The following SWAP70 variants were observed in gnomAD, a reference collection of about 807,000 sequenced individuals.
SWAP70 encodes switch-associated protein 70.
SWAP70 carries 34 observed loss-of-function variants against 80.2 expected under a neutral mutation model. The ratio of observed to expected loss-of-function variants is 0.42; its 90% confidence interval spans 0.32 to 0.56. SWAP70 has a LOEUF of 0.56. SWAP70 is among the 20% of genes least tolerant of loss of function. The pLI is 0.09. For synonymous variants in SWAP70, 239 were observed against 238.5 expected, an observed-to-expected ratio of 1.00 and a Z score of -0.02; for missense variants, 578 against 690.7, an observed-to-expected ratio of 0.84 and a Z score of 1.83.
At chr11:9,664,721 A>G (rs2134407978) in intron 1 of SWAP70, among the ~76,000 whole-genome samples, 1 of 152,354 alleles carries the variant, frequency 6.6e-6, no homozygotes, top group Admixed American at 6.5e-5. Flanking sequence ...TCTGCAGCCC[A>G]CAGCCCCACA....
chr11:9,746,351 C>G (rs1371150949), intron 9 of SWAP70, among the ~76,000 whole-genome samples: 1 of 152,186 alleles, frequency 6.6e-6, no homozygotes, highest in Admixed American at 6.5e-5. Flanking sequence ...ATGTCCATTC[C>G]CCCTCCATAC....
At chr11:9,736,218 TTTA>T (rs756246326) in intron 7 of SWAP70, among the ~76,000 whole-genome samples, 1 of 152,176 alleles carries the variant, frequency 6.6e-6, no homozygotes, top group Non-Finnish European at 1.5e-5. Context: ...TTTATATCTC[TTTA>T]TTATTCTCTA....
chr11:9,738,443 G>A (rs1189276610), intron 8 of SWAP70, 123 bp downstream of exon 8: 2 of 531,028 alleles, frequency 3.8e-6, no homozygotes, highest in African/African-American at 3.9e-5. Flanking sequence ...GACCTGGAAT[G>A]GGCTGTAGGG....
intron 2 of SWAP70, among the ~76,000 whole-genome samples, chr11:9,703,096 T>A (rs910280036): frequency 6.6e-6 from 1 of 152,174 alleles, no homozygotes; most frequent in Non-Finnish European, 1.5e-5. Flanking sequence ...CCCTCTCCCC[T>A]ATAGCTCTAG....
At chr11:9,708,428 C>A (rs1367757849) in intron 2 of SWAP70, among the ~76,000 whole-genome samples, 1 of 152,108 alleles carries the variant, frequency 6.6e-6, no homozygotes, top group East Asian at 1.9e-4. Context: ...TGCTTGTTGG[C>A]TGTTCGTATA....
At chr11:9,731,223 A>G (rs1851294246) in intron 6 of SWAP70, among the ~76,000 whole-genome samples, 1 of 152,222 alleles carries the variant, frequency 6.6e-6, no homozygotes, top group African/African-American at 2.4e-5. Context: ...AAATCCTGAA[A>G]GGAGATTCTG....
At chr11:9,720,169 T>A in intron 3 of SWAP70, 1 of 985,348 alleles carries the variant, frequency 1.0e-6, no homozygotes, top group Non-Finnish European at 1.2e-6. Flanking sequence ...CTTGGCCCAA[T>A]ATAATGAATC....
At chr11:9,687,193 G>C (rs1458867347) in intron 1 of SWAP70, among the ~76,000 whole-genome samples, 1 of 152,204 alleles carries the variant, frequency 6.6e-6, no homozygotes, top group Admixed American at 6.5e-5. Context: ...CATACAGTAT[G>C]TACAATTTGG....
intron 2 of SWAP70, among the ~76,000 whole-genome samples, chr11:9,695,546 C>T (rs1004976745): frequency 6.7e-6 from 1 of 148,828 alleles, no homozygotes; most frequent in Admixed American, 6.8e-5. Flanking sequence ...CACGTGTTCT[C>T]ACTCCTAAGT....
chr11:9,684,686 C>A (rs1171723308), intron 1 of SWAP70, among the ~76,000 whole-genome samples: 1 of 151,920 alleles, frequency 6.6e-6, no homozygotes, highest in Non-Finnish European at 1.5e-5. Flanking sequence ...TGAAAGTGAT[C>A]TGAACTAGAG....
intron 6 of SWAP70, among the ~76,000 whole-genome samples, chr11:9,730,402 T>C (rs1851282450): frequency 6.6e-6 from 1 of 151,250 alleles, no homozygotes; most frequent in South Asian, 2.1e-4. Flanking sequence ...TTCAAGATAA[T>C]AGCCTCCAGT....
intron 1 of SWAP70, among the ~76,000 whole-genome samples, chr11:9,679,160 A>C (rs1473799278): frequency 6.6e-6 from 1 of 152,112 alleles, no homozygotes; most frequent in South Asian, 2.1e-4. Context: ...TAGAAACACT[A>C]ATTTTTTTGA....
At chr11:9,674,813 AAAG>A (rs1235784234) in intron 1 of SWAP70, among the ~76,000 whole-genome samples, 1 of 151,600 alleles carries the variant, frequency 6.6e-6, no homozygotes, top group African/African-American at 2.4e-5. Flanking sequence ...AAATACAAAA[AAAG>A]AAATTAGCTG....
intron 6 of SWAP70, among the ~76,000 whole-genome samples, chr11:9,732,080 G>A (rs1851305384): frequency 1.3e-5 from 2 of 152,202 alleles, no homozygotes. Context: ...AAACACAGTA[G>A]GTTGCAAATT....
chr11:9,744,704 T>C (rs1590049906), intron 9 of SWAP70, among the ~76,000 whole-genome samples: 1 of 151,880 alleles, frequency 6.6e-6, no homozygotes, highest in East Asian at 1.9e-4. Context: ...GGCTCGGAGT[T>C]TGAGACCAGC....
chr11:9,732,395 T>G (rs1277320444), intron 6 of SWAP70, 134 bp from the exon 7 acceptor site: 2 of 915,162 alleles, frequency 2.2e-6, no homozygotes, highest in Non-Finnish European at 3.4e-6. Flanking sequence ...CACTATGGAG[T>G]GACAAAATCA....
At position 9,747,565 on chromosome 11, in the gene SWAP70, T is replaced by C. The variant is rs144725736; in HGVS notation, c.1356-293T>C. On this transcript the variant is annotated intron_variant, in intron 9 of 11. Transcript: ENST00000318950. Reference sequence around the variant, plus strand: ...CACCTAAATTTACTGTGAGGATTAATTGAGAAAATACACTTGACTCTTAGG... The same window carrying C: ...CACCTAAATTTACTGTGAGGATTAACTGAGAAAATACACTTGACTCTTAGG... Among the ~76,000 whole-genome samples the C allele has an allele frequency of 3.2e-3, 485 of 152,380 alleles. 3 individuals are homozygous for C. Among genetic ancestry groups the C allele is most frequent in the Non-Finnish European group, 3.7e-3 (253 of 68,040 alleles).
At position 9,695,005 on chromosome 11, in the gene SWAP70, A is replaced by G. The variant is rs904254458; in HGVS notation, c.240+719A>G. 2.0e-5 allele frequency among the ~76,000 whole-genome samples: 3 copies of G among 152,292 alleles called. No individual in the cohort carries two copies. The East Asian group carries it at 5.8e-4, about 29-fold the overall frequency. On this transcript the variant is annotated intron_variant, in intron 2 of 11. Transcript: ENST00000318950. Reference sequence around the variant, plus strand: ...ATCATTCTACTATAAAGATACATTCATGCCCAGGCAGGGTGGCTCACATCT... The same window carrying G: ...ATCATTCTACTATAAAGATACATTCGTGCCCAGGCAGGGTGGCTCACATCT...
intron 1 of SWAP70, among the ~76,000 whole-genome samples, chr11:9,672,008 A>G (rs1196325688): frequency 1.1e-4 from 13 of 117,928 alleles, no homozygotes; most frequent in Non-Finnish European, 1.5e-4. Flanking sequence ...TATATAAAAT[A>G]TATATTTTAA....
Sources: gnomAD v4.1 joint callset for allele counts (sites outside exome capture counted in the v4.1 genomes callset) on GRCh38, gnomAD v4.1.1 for gene constraint, MANE v1.5 for transcripts, NCBI Gene and HGNC (gene_info 2026-07-23, HGNC 2026-07-21) for gene names.